Variants in BCHE observed in about 807,000 individuals in gnomAD.
BCHE encodes cholinesterase.
BCHE carries 48 observed loss-of-function variants against 51.3 expected under a neutral mutation model. The ratio of observed to expected loss-of-function variants is 0.94; its 90% CI spans 0.74 to 1.19. BCHE has a LOEUF of 1.19. BCHE is among the 50% of genes most tolerant of loss of function. The pLI, the probability that BCHE is intolerant of heterozygous loss-of-function variation, is 0.00. For synonymous variants in BCHE, 251 were observed against 238.0 expected (o/e 1.05, Z -0.50); for missense variants, 847 against 708.2 (o/e 1.20, Z -2.23).
Position 165,773,085 on chromosome 3 carries a change from G to GT in BCHE, c.*296_*297insA. The GT allele has an allele frequency of 8.5e-6, 1 of 118,328 alleles. No homozygotes were observed. Among genetic ancestry groups the GT allele is most frequent in the Non-Finnish European group, 1.6e-5 (1 of 64,398 alleles). The allele number at this position is 118,328 out of a possible 1,614,324, so 7.3% of individuals were successfully genotyped here. A position where few individuals can be genotyped will look rare whatever the true frequency, so the allele number is the denominator to read the frequency against. On this transcript the variant is annotated 3_prime_UTR_variant, in exon 4 of 4. Transcript: ENST00000264381. ...AAAAGCAGAGCACTGATAATTTTGG[G>GT]GGGAAAAACTTAAATTTATTAAGGA... is the stretch of plus-strand genomic sequence containing the variant.
At chr3:165,800,030 C>T (rs1031783161) in intron 2 of BCHE, among the ~76,000 whole-genome samples, 7 of 92,822 alleles carry the variant, frequency 7.5e-5, no homozygotes, top group African/African-American at 1.2e-4. Flanking sequence ...ACTTTATTAG[C>T]GTGCAATTAG....
At chr3:165,797,518 G>A (rs933244416) in intron 2 of BCHE, among the ~76,000 whole-genome samples, 4 of 151,352 alleles carry the variant, frequency 2.6e-5, no homozygotes, top group African/African-American at 9.7e-5. Flanking sequence ...ATTTGAATGC[G>A]ATCATACGAA....
intron 2 of BCHE, among the ~76,000 whole-genome samples, chr3:165,793,852 C>G (rs1357670881): frequency 1.3e-5 from 2 of 152,052 alleles, no homozygotes; most frequent in African/African-American, 4.8e-5. Context: ...TTGAGACCAG[C>G]CTTACCTATA....
chr3:165,810,998 C>T (rs191729345), intron 2 of BCHE, among the ~76,000 whole-genome samples: 125 of 152,066 alleles, frequency 8.2e-4, no homozygotes, highest in Non-Finnish European at 1.6e-3. Flanking sequence ...TGGAGTTATA[C>T]GTTAAATTGA....
At chr3:165,796,525 A>C (rs1713383797) in intron 2 of BCHE, among the ~76,000 whole-genome samples, 1 of 152,184 alleles carries the variant, frequency 6.6e-6, no homozygotes, top group Admixed American at 6.5e-5. Flanking sequence ...AATGGAGTAT[A>C]AAATGCCTTA....
chr3:165,830,584 T>C lies in BCHE; in HGVS notation c.450A>G (p.Thr150=), dbSNP rs748920052. Residue 150 remains threonine (T), a synonymous_variant, in exon 2 of 4, where the codon ACA becomes ACG. Coordinates refer to ENST00000264381, the MANE Select transcript of BCHE (RefSeq NM_000055.4). ...WIYGGGFQTG[T]SSLHVYDGKF... is the part of the protein sequence containing the mutation. Reference sequence around the variant, plus strand: ...TGCCATCATAAACATGTAAAGATGATGTTCCAGTTTGAAAACCACCACCAT... The same window carrying C: ...TGCCATCATAAACATGTAAAGATGACGTTCCAGTTTGAAAACCACCACCAT... 1 of 1,613,966 alleles carries C rather than the reference T, an allele frequency of 6.2e-7. No homozygotes were observed. The highest frequency in any genetic ancestry group is 1.7e-5 in the Admixed American group (1 of 59,960).
At chr3:165,789,064 A>C (rs2108204694) in intron 2 of BCHE, among the ~76,000 whole-genome samples, 1 of 152,268 alleles carries the variant, frequency 6.6e-6, no homozygotes, top group East Asian at 1.9e-4. Flanking sequence ...TTATAACATA[A>C]ATTTAAACAT....
chr3:165,818,338 AT>A (rs1179116278), intron 2 of BCHE, among the ~76,000 whole-genome samples: 1 of 152,054 alleles, frequency 6.6e-6, no homozygotes, highest in Non-Finnish European at 1.5e-5. Context: ...GATGAGACAT[AT>A]TTCTGCCAAC....
chr3:165,783,329 C>G (rs779072683), intron 3 of BCHE, among the ~76,000 whole-genome samples: 9 of 152,020 alleles, frequency 5.9e-5, no homozygotes, highest in Non-Finnish European at 1.0e-4. Context: ...GTGAAGACTT[C>G]ATGTAGTTTA....
chr3:165,829,832 T>C lies in BCHE; in HGVS notation c.1202A>G (p.Tyr401Cys). The change falls in exon 2 of 4, where the codon TAC becomes TGC. Residue 401 changes from tyrosine to cysteine, a missense_variant. By Grantham distance (194) the Tyr-to-Cys change is radical (BLOSUM62 -2). Coordinates refer to ENST00000264381, the MANE Select transcript of BCHE (RefSeq NM_000055.4). ...TCTCTGATCATCTACCCAGTCTGTG[T>C]AATGAAAAAGGATGGATTCCTTTCC... Reference protein sequence around the residue: ...EFGKESILFHYTDWVDDQRPE... With the variant: ...EFGKESILFHCTDWVDDQRPE... The C allele has an allele frequency of 6.2e-7, 1 of 1,613,468 alleles. No homozygotes were observed.
chr3:165,797,187 TCGTTCTTC>T (rs1713420675), intron 2 of BCHE, among the ~76,000 whole-genome samples: 1 of 92,344 alleles, frequency 1.1e-5, no homozygotes, highest in Non-Finnish European at 2.1e-5. Flanking sequence ...CTTCCCTCCT[TCGTTCTTC>T]CCTCCCTTCC....
chr3:165,774,108 T>G (rs1272056578), intron 3 of BCHE, among the ~76,000 whole-genome samples: 2 of 152,194 alleles, frequency 1.3e-5, no homozygotes, highest in East Asian at 3.9e-4. Flanking sequence ...TGTAAATGTT[T>G]ATTATATTAT....
At position 165,837,376 on chromosome 3, in the gene BCHE, G is replaced by A. The variant is rs1407324561; in HGVS notation, c.-71C>T. 5 of 1,289,746 alleles carry A rather than the reference G, an allele frequency of 3.9e-6. No individual in the cohort carries two copies. The South Asian group carries it at 6.2e-5, about 16-fold the overall frequency. The allele number at this position is 1,289,746 out of a possible 1,614,324, so 79.9% of individuals were successfully genotyped here. On this transcript the variant is annotated 5_prime_UTR_variant, in exon 1 of 4. Coordinates refer to ENST00000264381, the MANE Select transcript of BCHE (RefSeq NM_000055.4). Reference sequence around the variant, plus strand: ...AGTGAAAATCATGTAATACTTCGGGGAAATGCAGGATGCAGCTGCTGCTCC... The same window carrying A: ...AGTGAAAATCATGTAATACTTCGGGAAAATGCAGGATGCAGCTGCTGCTCC...
rs114127364 is a variant in BCHE at position 165,830,344 on chromosome 3, A to C, written c.690T>G (p.Ala230=). ...VTLFGESAGA[A]SVSLHLLSPG... ...GAGAAAGCAAATGCAGGCTAACTGA[A>C]GCTGCTCCTGCACTTTCTCCAAAGA... The change falls in exon 2 of 4, where the codon GCT becomes GCG. Residue 230 remains alanine (A), a synonymous_variant. Transcript: ENST00000264381. 1 of 1,613,872 alleles carries C rather than the reference A, an allele frequency of 6.2e-7. No individual in the cohort carries two copies. The highest frequency in any genetic ancestry group is 1.7e-5 in the Admixed American group (1 of 59,944).
chr3:165,779,960 CTT>C (rs1216374244), intron 3 of BCHE, among the ~76,000 whole-genome samples: 2 of 152,214 alleles, frequency 1.3e-5, no homozygotes, highest in East Asian at 3.9e-4. Context: ...CAAAAACAAT[CTT>C]AAGCAAAAAG....
intron 2 of BCHE, among the ~76,000 whole-genome samples, chr3:165,788,574 A>C (rs1370939134): frequency 6.6e-6 from 1 of 152,092 alleles, no homozygotes; most frequent in East Asian, 1.9e-4. Flanking sequence ...GCTGGATATT[A>C]AACCAGGAGA....
At chr3:165,833,907 TA>T (rs1715082935) in intron 1 of BCHE, among the ~76,000 whole-genome samples, 1 of 152,148 alleles carries the variant, frequency 6.6e-6, no homozygotes, top group Non-Finnish European at 1.5e-5. Flanking sequence ...TCCCTGGTTG[TA>T]CCCATTCTCC....
At chr3:165,798,875 G>A (rs985943643) in intron 2 of BCHE, among the ~76,000 whole-genome samples, 4 of 151,688 alleles carry the variant, frequency 2.6e-5, no homozygotes, top group Admixed American at 6.6e-5. Flanking sequence ...AAAACAAAAC[G>A]AAACAAACAA....
chr3:165,788,319 T>C (rs1713038995), intron 2 of BCHE, among the ~76,000 whole-genome samples: 1 of 152,052 alleles, frequency 6.6e-6, no homozygotes, highest in Non-Finnish European at 1.5e-5. Context: ...GACAAACAGT[T>C]TCTTGATGTA....
Sources: allele counts gnomAD v4.1 joint callset (sites outside exome capture counted in the v4.1 genomes callset), GRCh38; gene constraint gnomAD v4.1.1; transcripts MANE v1.5; gene names NCBI Gene and HGNC (gene_info 2026-07-23, HGNC 2026-07-21).